USH2A: variants seen among roughly 807,000 people sequenced by gnomAD.
USH2A encodes the protein usherin, also known as Usher syndrome 2A (autosomal recessive, mild).
Under a neutral mutation model 538.9 loss-of-function variants are expected in USH2A, and 443 were observed. That is an observed-to-expected ratio of 0.82 (90% CI 0.76 to 0.89). The LOEUF is 0.89. USH2A is among the 40% of genes least tolerant of loss of function. The probability of loss-of-function intolerance (pLI) is 0.00; values close to 1 mark genes in which losing one functional copy is unlikely to be tolerated. For missense variants in USH2A, 6,633 were observed against 6,324.8 expected (o/e 1.05, Z -1.65); for synonymous variants, 2,413 against 2,273.5 (o/e 1.06, Z -1.75).
intron 21 of USH2A, among the ~76,000 whole-genome samples, chr1:216,154,049 A>G (rs2102622808): frequency 6.6e-6 from 1 of 152,346 alleles, no homozygotes; most frequent in Non-Finnish European, 1.5e-5. Context: ...TGAAAAATAC[A>G]TTACAGAGGT....
chr1:216,186,001 C>T lies in USH2A; in HGVS notation c.4396+4222G>A, dbSNP rs137880051. On this transcript the variant is annotated intron_variant, in intron 20 of 71. Coordinates refer to ENST00000307340, the MANE Select transcript of USH2A (RefSeq NM_206933.4). ...TGTAAGTAAAAATTATTTTTCCATACTTTTGTCATATAAGAGACTTTCTTT... is the reference window on the plus strand; with the variant it reads ...TGTAAGTAAAAATTATTTTTCCATATTTTTGTCATATAAGAGACTTTCTTT... Among the ~76,000 whole-genome samples the T allele has an allele frequency of 1.7e-3, 259 of 151,774 alleles. 1 individual carries two copies. The highest frequency in any genetic ancestry group is 5.8e-3 in the African/African-American group (242 of 41,476).
At chr1:216,353,919 T>C (rs1038804245) in intron 4 of USH2A, among the ~76,000 whole-genome samples, 1 of 152,110 alleles carries the variant, frequency 6.6e-6, no homozygotes, top group Non-Finnish European at 1.5e-5. Flanking sequence ...CACAAACATT[T>C]ACTGGACATG....
intron 58 of USH2A, 85 bp from the exon 59 acceptor site, chr1:215,743,420 A>G (rs867173444): frequency 2.6e-4 from 105 of 409,058 alleles, no homozygotes; most frequent in African/African-American, 7.0e-4. Context: ...GTGTGTGTAT[A>G]TATATATAGA....
In USH2A at chr1:216,004,798, G is replaced by A. The variant is rs546148630; in HGVS notation, c.6326-4236C>T. 9.2e-5 allele frequency among the ~76,000 whole-genome samples: 14 copies of A among 152,278 alleles called. No homozygotes were observed. In the East Asian group the frequency reaches 2.5e-3, roughly 27 times the overall value. ...AAGAGAAAAAAATTGCTGGAGTTTT[G>A]TCCTTGAATATGTGAAAGAGGAGAA... On this transcript the variant is annotated intron_variant, in intron 32 of 71. Coordinates refer to ENST00000307340, the MANE Select transcript of USH2A (RefSeq NM_206933.4).
At chr1:215,826,749 AT>A (rs959332455) in intron 47 of USH2A, among the ~76,000 whole-genome samples, 8 of 151,678 alleles carry the variant, frequency 5.3e-5, no homozygotes, top group South Asian at 2.1e-4. Context: ...AAAGTAAAGG[AT>A]TTTTTTTTCT....
chr1:216,168,643 A>G (rs1398104678), intron 21 of USH2A, among the ~76,000 whole-genome samples: 3 of 152,150 alleles, frequency 2.0e-5, no homozygotes, highest in African/African-American at 4.8e-5. Flanking sequence ...AAGATAAGGA[A>G]TGATGGTTTA....
chr1:215,873,890 G>A (rs1664686444), intron 43 of USH2A, among the ~76,000 whole-genome samples: 1 of 151,332 alleles, frequency 6.6e-6, no homozygotes, highest in South Asian at 2.1e-4. Flanking sequence ...CTTAATGAAA[G>A]CTAATTTATA....
intron 9 of USH2A, among the ~76,000 whole-genome samples, chr1:216,300,360 G>A (rs1005737998): frequency 1.3e-5 from 2 of 152,138 alleles, no homozygotes; most frequent in African/African-American, 4.8e-5. Flanking sequence ...GGATTCCCCC[G>A]ATATGTCCCT....
chr1:215,902,256 G>A (rs1178610228), intron 38 of USH2A, among the ~76,000 whole-genome samples: 1 of 152,110 alleles, frequency 6.6e-6, no homozygotes, highest in African/African-American at 2.4e-5. Flanking sequence ...TGTGTAGTGT[G>A]TCAATTTTAC....
chr1:216,174,389 G>C, intron 21 of USH2A: 1 of 984,608 alleles, frequency 1.0e-6, no homozygotes, highest in Non-Finnish European at 1.2e-6. Flanking sequence ...TTGAAATCAT[G>C]CTATTAGAAG....
At chr1:216,380,859 T>C (rs958500374) in intron 3 of USH2A, among the ~76,000 whole-genome samples, 8 of 152,170 alleles carry the variant, frequency 5.3e-5, no homozygotes, top group Non-Finnish European at 1.0e-4. Flanking sequence ...ATATCATCTT[T>C]TACCAAACTC....
At chr1:215,652,989 T>A (rs528771756) in intron 64 of USH2A, among the ~76,000 whole-genome samples, 5 of 152,134 alleles carry the variant, frequency 3.3e-5, no homozygotes, top group Non-Finnish European at 7.4e-5. Context: ...GAGATGGAAG[T>A]AGTGCAGGCA....
chr1:215,625,529 C>G lies in USH2A; in HGVS notation c.*252G>C, dbSNP rs567581025. 12 of 526,520 alleles carry G rather than the reference C, an allele frequency of 2.3e-5. No individual in the cohort carries two copies. The highest frequency in any genetic ancestry group is 2.1e-4 in the African/African-American group (11 of 52,256). 32.6% of individuals were successfully genotyped at this position (526,520 alleles called of 1,614,324 possible). ...AGAACCAAGTGACAATTACATACTT[C>G]TTTGTCTTCTACAAAATAAGAGCAA... On this transcript the variant is annotated 3_prime_UTR_variant, in exon 72 of 72. Transcript: ENST00000307340.
chr1:216,102,678 T>C (rs2032618765), intron 21 of USH2A, among the ~76,000 whole-genome samples: 1 of 152,074 alleles, frequency 6.6e-6, no homozygotes, highest in African/African-American at 2.4e-5. Flanking sequence ...CGGGCGCCTG[T>C]AGTCCCAGCT....
rs190333346 is a variant in USH2A at position 215,759,545 on chromosome 1, A to G, written c.11231+115T>C. ...TTCATCAGTTATTGAATGGCCAATG[A>G]ATGAGGAAGTTAATTAAACAATTTA... On this transcript the variant is annotated intron_variant, in intron 57 of 71. Transcript: ENST00000307340. 6.5e-5 allele frequency: 85 copies of G among 1,298,776 alleles called. No individual in the cohort carries two copies. In the African/African-American group the frequency reaches 1.1e-3, roughly 17 times the overall value. 80.5% of individuals were successfully genotyped at this position (1,298,776 alleles called of 1,614,324 possible).
intron 32 of USH2A, among the ~76,000 whole-genome samples, chr1:216,014,910 T>A (rs141182758): frequency 2.0e-5 from 3 of 152,240 alleles, no homozygotes; most frequent in Non-Finnish European, 4.4e-5. Flanking sequence ...AAGTAGGTGA[T>A]GATTTTCTTT....
At chr1:216,105,782 T>C (rs1347684407) in intron 21 of USH2A, among the ~76,000 whole-genome samples, 9 of 152,048 alleles carry the variant, frequency 5.9e-5, no homozygotes, top group Non-Finnish European at 1.5e-5. Context: ...CATTGATTTT[T>C]CTAAGTTATG....
intron 38 of USH2A, among the ~76,000 whole-genome samples, chr1:215,912,152 T>A (rs1665799960): frequency 6.6e-6 from 1 of 151,930 alleles, no homozygotes; most frequent in South Asian, 2.1e-4. Context: ...TGTGGGGTGT[T>A]CCTTCACTTC....
At chr1:215,830,262 C>T (rs1413839965) in intron 47 of USH2A, among the ~76,000 whole-genome samples, 1 of 152,106 alleles carries the variant, frequency 6.6e-6, no homozygotes, top group Non-Finnish European at 1.5e-5. Flanking sequence ...AGGGAAAACC[C>T]CCATTTTTGT....
Sources: gnomAD v4.1 joint callset for allele counts (sites outside exome capture counted in the v4.1 genomes callset) on GRCh38, gnomAD v4.1.1 for gene constraint, MANE v1.5 for transcripts, NCBI Gene and HGNC (gene_info 2026-07-23, HGNC 2026-07-21) for gene names.